The following LAMB4 variants were observed in gnomAD, a reference collection of about 807,000 sequenced individuals.
LAMB4 encodes the protein laminin subunit beta 4, also known as laminin subunit beta-4.
LAMB4 carries 196 observed loss-of-function variants against 199.2 expected under a neutral mutation model. The observed-to-expected ratio is 0.98, with a 90% CI of 0.88 to 1.11. The LOEUF (loss-of-function observed/expected upper bound fraction) is 1.11, where lower values mean the gene tolerates loss of function less well. Ranked by LOEUF, LAMB4 falls within the 50% of genes least tolerant of loss-of-function variation. The probability of loss-of-function intolerance (pLI) is 0.00; values close to 1 mark genes in which losing one functional copy is unlikely to be tolerated. For missense variants in LAMB4, 2,080 were observed against 2,171.2 expected (o/e 0.96, Z 0.83); for synonymous variants, 744 against 770.6 (o/e 0.97, Z 0.57).
chr7:108,070,102 C>A (rs536425529), intron 17 of LAMB4, among the ~76,000 whole-genome samples: 1 of 152,024 alleles, frequency 6.6e-6, no homozygotes, highest in South Asian at 2.1e-4. Flanking sequence ...AAAAAAAAAG[C>A]CTTTATCTTT....
At chr7:108,088,446 G>A (rs1312342511) in intron 14 of LAMB4, among the ~76,000 whole-genome samples, 1 of 152,180 alleles carries the variant, frequency 6.6e-6, no homozygotes, top group Non-Finnish European at 1.5e-5. Flanking sequence ...TTACAGGCAT[G>A]AGCCACCATG....
chr7:108,120,877 TG>T (rs1186082486), intron 2 of LAMB4, among the ~76,000 whole-genome samples: 1 of 152,258 alleles, frequency 6.6e-6, no homozygotes, highest in East Asian at 1.9e-4. Context: ...AACTTGTTTT[TG>T]TCAGAATTTT....
At chr7:108,124,854 C>T (rs551940098) in intron 1 of LAMB4, among the ~76,000 whole-genome samples, 2 of 152,204 alleles carry the variant, frequency 1.3e-5, no homozygotes, top group African/African-American at 4.8e-5. Context: ...CCTTAGCACT[C>T]CAGTTTCTGT....
chr7:108,056,913 G>T (rs542225187), intron 24 of LAMB4, among the ~76,000 whole-genome samples: 2 of 150,784 alleles, frequency 1.3e-5, no homozygotes, highest in Non-Finnish European at 2.9e-5. Flanking sequence ...TGAAGCTGCA[G>T]TGAGCTGTGA....
rs565999339 is a variant in LAMB4, at chr7:108,093,191, C to T, written c.1471-775G>A. 3.2e-4 allele frequency among the ~76,000 whole-genome samples: 49 copies of T among 152,232 alleles called. 1 individual carries two copies. The highest frequency in any genetic ancestry group is 1.1e-3 in the African/African-American group (46 of 41,544). On this transcript the variant is annotated intron_variant, in intron 12 of 33. Transcript: ENST00000388781. ...AAGCAATTCTCCTGCCTCAGCCTCC[C>T]GAGTAGCTGGGATTACAGGCGCCTG... is the stretch of plus-strand genomic sequence containing the variant.
intron 3 of LAMB4, 32 bp downstream of exon 3, chr7:108,115,972 T>C (rs1368491644): frequency 1.3e-6 from 2 of 1,598,844 alleles, no homozygotes; most frequent in Non-Finnish European, 1.7e-6. Context: ...GATTAAATAA[T>C]GTCCCAGCAA....
chr7:108,024,158 C>A lies in LAMB4; in HGVS notation c.5167G>T (p.Asp1723Tyr), dbSNP rs2034755560. The change falls in exon 34 of 34, where the codon GAT becomes TAT. Residue 1723 changes from aspartate to tyrosine, a missense_variant. Transcript: ENST00000388781. The part of the protein sequence containing the change: ...RITDLERKIQ[D>Y]LNLSRQAKAD... ...TTTGCTTGTCTACTTAGATTCAAAT[C>A]TTGGATTTTCCTTTCTAAATCTGAA... 1 of 1,566,772 alleles carries A rather than the reference C, an allele frequency of 6.4e-7. No individual in the cohort carries two copies. The highest frequency in any genetic ancestry group is 8.7e-7 in the Non-Finnish European group (1 of 1,152,828).
At chr7:108,056,747 A>T (rs1326295762) in intron 24 of LAMB4, among the ~76,000 whole-genome samples, 1 of 152,152 alleles carries the variant, frequency 6.6e-6, no homozygotes, top group African/African-American at 2.4e-5. Flanking sequence ...AGGCAGGTGG[A>T]TTGTTTGAGC....
At chr7:108,126,560 T>TTTTTTC (rs2038790411) in intron 1 of LAMB4, among the ~76,000 whole-genome samples, 1 of 100,850 alleles carries the variant, frequency 9.9e-6, no homozygotes, top group Non-Finnish European at 2.0e-5. Flanking sequence ...CTTTCTTTTT[T>TTTTTTC]TTTTTTTTTT....
chr7:108,091,761 A>G lies in LAMB4; in HGVS notation c.1566T>C (p.Asn522=). 6.2e-7 allele frequency: 1 copy of G among 1,613,402 alleles called. No individual in the cohort carries two copies. Among genetic ancestry groups the G allele is most frequent in the Non-Finnish European group, 8.5e-7 (1 of 1,179,852 alleles). ...CATGTGGGCGGCATTCACACTGCCC[A>G]TTCTTGGGTGAGCACCTGAGGAAAA... ...GAYSNVCSPK[N]GQCECRPHVT... The change falls in exon 14 of 34, where the codon AAT becomes AAC. Residue 522 remains asparagine (N), a synonymous_variant. Transcript: ENST00000388781.
intron 12 of LAMB4, among the ~76,000 whole-genome samples, chr7:108,093,378 TA>T (rs1311465241): frequency 2.0e-5 from 3 of 152,206 alleles, no homozygotes; most frequent in Non-Finnish European, 4.4e-5. Flanking sequence ...TAACTGCTTT[TA>T]AAAAAACTGA....
intron 14 of LAMB4, among the ~76,000 whole-genome samples, chr7:108,083,010 C>T (rs567249631): frequency 1.3e-5 from 2 of 152,350 alleles, no homozygotes; most frequent in East Asian, 1.9e-4. Flanking sequence ...CAGATTAATA[C>T]AGCCTCTGGA....
chr7:108,078,085 T>C, intron 16 of LAMB4, 116 bp downstream of exon 16: 1 of 685,642 alleles, frequency 1.5e-6, no homozygotes, highest in Non-Finnish European at 2.6e-6. Flanking sequence ...GCTTAATATA[T>C]GTTATAGTTT....
At chr7:108,092,486 T>C in intron 12 of LAMB4, 70 bp from the exon 13 acceptor site, 1 of 1,158,330 alleles carries the variant, frequency 8.6e-7, no homozygotes, top group Non-Finnish European at 1.3e-6. Flanking sequence ...AACACTGAAA[T>C]CACTACAATG....
At chr7:108,080,881 T>A (rs1244545441) in intron 14 of LAMB4, among the ~76,000 whole-genome samples, 1 of 151,488 alleles carries the variant, frequency 6.6e-6, no homozygotes, top group African/African-American at 2.4e-5. Context: ...CCCAGCACTT[T>A]GGGAGGCCAA....
At chr7:108,044,969 A>AG (rs2035567845) in intron 28 of LAMB4, among the ~76,000 whole-genome samples, 1 of 147,812 alleles carries the variant, frequency 6.8e-6, no homozygotes, top group African/African-American at 2.6e-5. Flanking sequence ...AAAAAAAAAA[A>AG]AAAAAGAAAA....
chr7:108,103,351 T>G, intron 9 of LAMB4, 119 bp from the exon 10 acceptor site: 2 of 783,038 alleles, frequency 2.6e-6, no homozygotes, highest in Non-Finnish European at 3.9e-6. Flanking sequence ...TTCGTGTTCT[T>G]TGTATAGATG....
In LAMB4 at chr7:108,055,926, C is replaced by T. The variant is rs1188273236; in HGVS notation, c.3461G>A (p.Ser1154Asn). ...GGCACAGCGATCACATCTCTGGCCG[C>T]TGACACCCTCCCGGCAGCGGCACAT... The part of the protein sequence containing the change: ...TGMCRCREGV[S>N]GQRCDRCARG... Residue 1154 changes from serine (S) to asparagine (N), a missense_variant, in exon 25 of 34, where the codon AGC (serine) becomes AAC (asparagine). Physicochemically the swap from Ser to Asn is conservative, Grantham distance 46. Coordinates refer to ENST00000388781, the MANE Select transcript of LAMB4 (RefSeq NM_007356.3). 6.2e-7 allele frequency: 1 copy of T among 1,614,232 alleles called. No homozygotes were observed. The highest frequency in any genetic ancestry group is 8.5e-7 in the Non-Finnish European group (1 of 1,180,032).
At chr7:108,081,116 A>AAAAT (rs2036920666) in intron 14 of LAMB4, among the ~76,000 whole-genome samples, 2 of 152,066 alleles carry the variant, frequency 1.3e-5, no homozygotes, top group South Asian at 4.2e-4. Context: ...AGCGAGGAAT[A>AAAAT]AAATAAAATA....
Sources: allele counts gnomAD v4.1 joint callset (sites outside exome capture counted in the v4.1 genomes callset), GRCh38; gene constraint gnomAD v4.1.1; transcripts MANE v1.5; gene names NCBI Gene and HGNC (gene_info 2026-07-23, HGNC 2026-07-21).